MACF1: variants seen among roughly 807,000 people sequenced by gnomAD.
MACF1 encodes the protein microtubule-actin cross-linking factor 1.
Under a neutral mutation model 854.8 loss-of-function variants are expected in MACF1, and 193 were observed. The ratio of observed to expected loss-of-function variants is 0.23; its 90% CI spans 0.20 to 0.25. The LOEUF is 0.25. Among genes scored for constraint, MACF1 ranks in the 10% least tolerant of loss-of-function variants. MACF1 has a pLI of 1.00. For missense variants in MACF1, 7,722 were observed against 8,929.1 expected, an observed-to-expected ratio of 0.86 and a Z score of 5.45; for synonymous variants, 3,185 against 3,226.7, an observed-to-expected ratio of 0.99 and a Z score of 0.44.
At chr1:39,223,397 A>C (rs1644676738) in intron 1 of MACF1, among the ~76,000 whole-genome samples, 1 of 152,218 alleles carries the variant, frequency 6.6e-6, no homozygotes, top group Non-Finnish European at 1.5e-5. Flanking sequence ...GATCTTGGGC[A>C]AGCTGCTTCA....
rs71798934 is a variant in MACF1 at position 39,434,386 on chromosome 1, C to CTT, written c.17566-12_17566-11dup. ...AGAGTTTATAATAGTAATACTTATC[C>CTT]TTTTTTTTTTTTTTTTTGCTCACAT... On this transcript the variant is annotated intron_variant, in intron 68 of 100. Coordinates refer to ENST00000564288, the MANE Select transcript of MACF1 (RefSeq NM_001394062.1). 2.4e-3 allele frequency: 2,341 copies of CTT among 986,162 alleles called. 15 individuals carry two copies. Among genetic ancestry groups the CTT allele is most frequent in the African/African-American group, 0.019 (1,033 of 54,314 alleles). The allele number at this position is 986,162 out of a possible 1,614,324, so 61.1% of individuals were successfully genotyped here.
At chr1:39,170,499 A>G (rs944311889) in intron 2 of MACF1, among the ~76,000 whole-genome samples, 4 of 152,362 alleles carry the variant, frequency 2.6e-5, no homozygotes, top group Admixed American at 1.3e-4. Flanking sequence ...AGAAGGAGAC[A>G]CTAGACAAAT....
At chr1:39,349,365 C>G in intron 41 of MACF1, 113 bp from the exon 42 acceptor site, 1 of 1,110,650 alleles carries the variant, frequency 9.0e-7, no homozygotes, top group Non-Finnish European at 1.3e-6. Context: ...TAGTCTCCCA[C>G]CAACTTTTCC....
chr1:39,188,416 A>G (rs1239573012), intron 2 of MACF1, among the ~76,000 whole-genome samples: 1 of 152,138 alleles, frequency 6.6e-6, no homozygotes, highest in Non-Finnish European at 1.5e-5. Context: ...TCCAAAAATA[A>G]AAAAAGAAAG....
At chr1:39,219,987 G>A (rs1644629303) in intron 1 of MACF1, among the ~76,000 whole-genome samples, 1 of 152,154 alleles carries the variant, frequency 6.6e-6, no homozygotes, top group South Asian at 2.1e-4. Context: ...CTGACCTCAG[G>A]TGATCTGCCC....
chr1:39,096,962 T>C (rs983306709), intron 2 of MACF1, among the ~76,000 whole-genome samples: 17 of 147,488 alleles, frequency 1.2e-4, no homozygotes, highest in African/African-American at 4.3e-4. Flanking sequence ...CTGCAACCTC[T>C]GCCTCCCAGG....
At chr1:39,268,964 G>C (rs1039763064) in intron 6 of MACF1, 2 of 1,286,526 alleles carry the variant, frequency 1.6e-6, no homozygotes, top group African/African-American at 3.0e-5. Context: ...ATATTTTGCT[G>C]CCTGGGGACT....
intron 2 of MACF1, among the ~76,000 whole-genome samples, chr1:39,174,632 A>G (rs549691534): frequency 1.2e-4 from 19 of 152,284 alleles, no homozygotes; most frequent in Admixed American, 4.6e-4. Context: ...AAGGGAATCA[A>G]TTTCATCATG....
chr1:39,252,325 T>A (rs1331967687), intron 4 of MACF1, among the ~76,000 whole-genome samples: 1 of 152,158 alleles, frequency 6.6e-6, no homozygotes, highest in Non-Finnish European at 1.5e-5. Context: ...AACTCCACAG[T>A]CTAGACTAAC....
At chr1:39,163,207 C>T (rs1035777845) in intron 2 of MACF1, among the ~76,000 whole-genome samples, 8 of 151,766 alleles carry the variant, frequency 5.3e-5, no homozygotes, top group South Asian at 2.1e-4. Context: ...AAAAATTAGC[C>T]GAGTGTGGTG....
At chr1:39,305,720 T>G (rs1375254922) in intron 23 of MACF1, among the ~76,000 whole-genome samples, 1 of 152,224 alleles carries the variant, frequency 6.6e-6, no homozygotes, top group Non-Finnish European at 1.5e-5. Flanking sequence ...GAACTCATCC[T>G]CTGCTACTCT....
At chr1:39,206,980 T>G (rs887186890) in intron 1 of MACF1, 36 of 132,116 alleles carry the variant, frequency 2.7e-4, no homozygotes, top group Admixed American at 2.0e-3. Flanking sequence ...TGATGTAGTC[T>G]TTTTTTTTTT....
At chr1:39,338,715 CACAT>C (rs1177552415) in intron 38 of MACF1, among the ~76,000 whole-genome samples, 1 of 152,150 alleles carries the variant, frequency 6.6e-6, no homozygotes, top group Non-Finnish European at 1.5e-5. Flanking sequence ...ACTGGAAGTT[CACAT>C]ACATACTGAA....
Position 39,441,334 on chromosome 1 carries a change from C to T in MACF1, c.18672+9C>T. The T allele has an allele frequency of 6.2e-7, 1 of 1,605,210 alleles. No individual in the cohort carries two copies. Among genetic ancestry groups the T allele is most frequent in the Non-Finnish European group, 8.5e-7 (1 of 1,173,294 alleles). ...ATCAGGACACTCTTCAGGTGAGAGGCCAGGAGGTGACCACCAAGGAAATAC... is the reference window on the plus strand; with the variant it reads ...ATCAGGACACTCTTCAGGTGAGAGGTCAGGAGGTGACCACCAAGGAAATAC... On this transcript the variant is annotated intron_variant, in intron 74 of 100. Transcript: ENST00000564288.
chr1:39,179,741 G>A (rs1290612852), intron 2 of MACF1, among the ~76,000 whole-genome samples: 2 of 152,082 alleles, frequency 1.3e-5, no homozygotes, highest in African/African-American at 4.8e-5. Flanking sequence ...GCTGCCAGGC[G>A]CGGTGGCTCA....
chr1:39,315,378 A>G (rs1557582830), intron 26 of MACF1, 135 bp from the exon 27 acceptor site: 1 of 665,104 alleles, frequency 1.5e-6, no homozygotes, highest in Non-Finnish European at 2.6e-6. Context: ...TGTCTGCTTC[A>G]TAGTTTATTC....
chr1:39,288,619 C>T (rs1012959257), intron 15 of MACF1, among the ~76,000 whole-genome samples: 2 of 151,456 alleles, frequency 1.3e-5, no homozygotes, highest in African/African-American at 4.9e-5. Context: ...GGGCAACATG[C>T]GAAATCCCAT....
At position 39,442,900 on chromosome 1, in the gene MACF1, A is replaced by G. The variant is rs1433079962; in HGVS notation, c.19291A>G (p.Thr6431Ala). 14 of 1,613,536 alleles carry G rather than the reference A, an allele frequency of 8.7e-6. No individual in the cohort carries two copies. Among genetic ancestry groups the G allele is most frequent in the East Asian group, 4.5e-5 (2 of 44,868 alleles). ...GGAGAGGGAGCAGCAGCTTCAGTCA[A>G]CTCTGCAGCAGGTACATGTGACATC... ...TEEREQQLQS[T>A]LQQAQGFHSE... The change falls in exon 78 of 101, where the codon ACT becomes GCT. Residue 6431 changes from threonine to alanine, a missense_variant. Transcript: ENST00000564288.
chr1:39,364,646 C>T (rs936654565), intron 49 of MACF1, among the ~76,000 whole-genome samples: 15 of 152,060 alleles, frequency 9.9e-5, no homozygotes, highest in African/African-American at 1.7e-4. Context: ...GTGCCTGCCA[C>T]CGCGCCTGGC....
Sources: allele counts gnomAD v4.1 joint callset (sites outside exome capture counted in the v4.1 genomes callset), GRCh38; gene constraint gnomAD v4.1.1; transcripts MANE v1.5; gene names NCBI Gene and HGNC (gene_info 2026-07-23, HGNC 2026-07-21).